GREP1: variants seen among roughly 807,000 people sequenced by gnomAD.
The protein encoded by GREP1 is glycine-rich extracellular protein 1.
At chr16:2,990,188 G>T (rs1195891438) in intron 5 of GREP1, 66 bp downstream of exon 5, 1 of 398,842 alleles carries the variant, frequency 2.5e-6, no homozygotes, top group African/African-American at 2.1e-5. Flanking sequence ...CAGGATTGGA[G>T]AGATTGTTGG....
At chr16:2,988,329 A>G (rs2072381391) in exon 1 of GREP1, 1 of 399,240 alleles carries the variant, frequency 2.5e-6, no homozygotes, top group Non-Finnish European at 4.4e-6. Context: ...CTGACTTCCG[A>G]GAGCCTGCAA....
At chr16:3,001,404 G>C in intron 34 of GREP1, 70 bp downstream of exon 28, 1 of 399,108 alleles carries the variant, frequency 2.5e-6, no homozygotes, top group Non-Finnish European at 4.4e-6. Flanking sequence ...CAGCCATACT[G>C]GGGGACACCC....
chr16:2,997,643 C>T (rs1193628180), intron 22 of GREP1, among the ~76,000 whole-genome samples, 160 bp from the exon 21 acceptor site: 1 of 152,030 alleles, frequency 6.6e-6, no homozygotes. Context: ...GTACCCCAAC[C>T]TCTCCCCATG....
In GREP1 at chr16:2,998,399, G is replaced by T. The variant is rs2072438449; in HGVS notation, c.982+11G>T. The T allele has an allele frequency of 5.0e-6, 2 of 399,156 alleles. No homozygotes were observed. The highest frequency in any genetic ancestry group is 8.8e-6 in the Non-Finnish European group (2 of 226,296). 24.7% of individuals were successfully genotyped at this position (399,156 alleles called of 1,614,324 possible). ...AGCCTCAGAAGTCAGGTGAGTGGGGGACCCCTGGCTCTGCCCCACACCTCC... is the reference window on the plus strand; with the variant it reads ...AGCCTCAGAAGTCAGGTGAGTGGGGTACCCCTGGCTCTGCCCCACACCTCC... On this transcript the variant is annotated intron_variant, in intron 24 of 34. Coordinates refer to ENST00000573315, the Ensembl canonical transcript of GREP1.
Position 2,989,266 on chromosome 16 carries a change from C to A in GREP1, c.101-257C>A, listed in dbSNP as rs1418743216. On this transcript the variant is annotated intron_variant, in intron 2 of 34. Transcript: ENST00000573315. This position sits in a 1 kb window ranked among gnomAD's most constrained non-coding sequence, Gnocchi z 4.2. Reference sequence around the variant, plus strand: ...GCCCTCTAGCCTCCACTGCCCTAGCCCCAGACTGCTCACCTCCTCTGCCCT... The same window carrying A: ...GCCCTCTAGCCTCCACTGCCCTAGCACCAGACTGCTCACCTCCTCTGCCCT... 3 of 386,218 alleles carry A rather than the reference C, an allele frequency of 7.8e-6. No individual in the cohort carries two copies. The highest frequency in any genetic ancestry group is 1.4e-5 in the Non-Finnish European group (3 of 218,718). The allele number at this position is 386,218 out of a possible 1,614,324, so 23.9% of individuals were successfully genotyped here.
At position 2,991,183 on chromosome 16, in the gene GREP1, C is replaced by G. The variant is rs2072397475; in HGVS notation, c.322+82C>G. ...CAGAGCAGAGTCAGGGCACCAGGAG[C>G]TGGGAGAGCTGGGCTCTGGAGGGAG... On this transcript the variant is annotated intron_variant, in intron 8 of 34. Transcript: ENST00000573315. The surrounding 1 kb of genome is among the most constrained non-coding windows in gnomAD (Gnocchi z 4.9). 1 of 398,970 alleles carries G rather than the reference C, an allele frequency of 2.5e-6. No individual in the cohort carries two copies. The allele number at this position is 398,970 out of a possible 1,614,324, so 24.7% of individuals were successfully genotyped here. A position where few individuals can be genotyped will look rare whatever the true frequency, so the allele number is the denominator to read the frequency against.
In GREP1 at chr16:2,989,244, C is replaced by T. The variant is rs1001061607; in HGVS notation, c.101-279C>T. ...ACACCTTCCTCCAGGCCCAGGGGCC[C>T]TCTAGCCTCCACTGCCCTAGCCCCA... On this transcript the variant is annotated intron_variant, in intron 2 of 34. Coordinates refer to ENST00000573315, the Ensembl canonical transcript of GREP1. The surrounding 1 kb of genome is among the most constrained non-coding windows in gnomAD (Gnocchi z 4.2). 1.5e-4 allele frequency: 57 copies of T among 377,400 alleles called. No individual in the cohort carries two copies. The highest frequency in any genetic ancestry group is 4.6e-5 in the Admixed American group (1 of 21,928). The allele number at this position is 377,400 out of a possible 1,614,324, so 23.4% of individuals were successfully genotyped here.
chr16:2,995,152 C>A, intron 13 of GREP1, 132 bp from the exon 15 acceptor site: 1 of 396,086 alleles, frequency 2.5e-6, no homozygotes, highest in Non-Finnish European at 4.4e-6. Flanking sequence ...CCCGACAAGC[C>A]CCCCACCTCA....
chr16:2,990,183 T>C, intron 5 of GREP1, 61 bp downstream of exon 5: 1 of 398,324 alleles, frequency 2.5e-6, no homozygotes, highest in East Asian at 3.6e-5. Context: ...AGAGGCAGGA[T>C]TGGAGAGATT....
At position 2,989,236 on chromosome 16, in the gene GREP1, C is replaced by A. The variant is rs889339738; in HGVS notation, c.101-287C>A. Reference sequence around the variant, plus strand: ...TGGCTCAGACACCTTCCTCCAGGCCCAGGGGCCCTCTAGCCTCCACTGCCC... The same window carrying A: ...TGGCTCAGACACCTTCCTCCAGGCCAAGGGGCCCTCTAGCCTCCACTGCCC... On this transcript the variant is annotated intron_variant, in intron 2 of 34. Coordinates refer to ENST00000573315, the Ensembl canonical transcript of GREP1. The surrounding 1 kb of genome is among the most constrained non-coding windows in gnomAD (Gnocchi z 4.2). The A allele has an allele frequency of 2.7e-6, 1 of 373,326 alleles. No homozygotes were observed. The highest frequency in any genetic ancestry group is 4.7e-6 in the Non-Finnish European group (1 of 210,586). 23.1% of individuals were successfully genotyped at this position (373,326 alleles called of 1,614,324 possible).
rs1174946734 is a variant in GREP1, at chr16:2,989,273, T to C, written c.101-250T>C. ...AGCCTCCACTGCCCTAGCCCCAGAC[T>C]GCTCACCTCCTCTGCCCTCTACCCT... is the stretch of plus-strand genomic sequence containing the variant. On this transcript the variant is annotated intron_variant, in intron 2 of 34. Transcript: ENST00000573315. The surrounding 1 kb of genome is among the most constrained non-coding windows in gnomAD (Gnocchi z 4.2). 1 of 387,842 alleles carries C rather than the reference T, an allele frequency of 2.6e-6. No individual in the cohort carries two copies. Among genetic ancestry groups the C allele is most frequent in the Admixed American group, 4.5e-5 (1 of 22,328 alleles). 24.0% of individuals were successfully genotyped at this position (387,842 alleles called of 1,614,324 possible).
At chr16:2,988,728 A>T (rs2072383832) in intron 2 of GREP1, 106 bp downstream of exon 2, 2 of 398,652 alleles carry the variant, frequency 5.0e-6, no homozygotes, top group Admixed American at 8.8e-5. Context: ...AGGAGAGCTC[A>T]GGGCCCTTGC....
In GREP1 at chr16:2,991,053, GGAAAC is replaced by G; in HGVS notation, c.276_280del (p.Asn93AlafsTer43). On this transcript the variant is annotated frameshift_variant, in exon 8 of 35. Transcript: ENST00000573315. LOFTEE classifies it high-confidence loss of function. This position sits in a 1 kb window ranked among gnomAD's most constrained non-coding sequence, Gnocchi z 4.9. ...CTCTGGCTCTGTCTCCCCAGGATAT[GGAAAC>G]GGGCTGGGAGCAGCGGCCTTCCCAG... 2.5e-6 allele frequency: 1 copy of G among 399,220 alleles called. No homozygotes were observed. The highest frequency in any genetic ancestry group is 4.4e-6 in the Non-Finnish European group (1 of 226,192). 24.7% of individuals were successfully genotyped at this position (399,220 alleles called of 1,614,324 possible).
intron 27 of GREP1, chr16:2,999,383 C>A: frequency 2.5e-6 from 1 of 394,472 alleles, no homozygotes; most frequent in South Asian, 1.3e-4. Flanking sequence ...CACCCCAGAT[C>A]AGGGTCACCC....
rs1179137094 is a variant in GREP1 at position 2,991,819 on chromosome 16, G to A, written c.322+718G>A. On this transcript the variant is annotated intron_variant, in intron 8 of 34. Transcript: ENST00000573315. The surrounding 1 kb of genome is among the most constrained non-coding windows in gnomAD (Gnocchi z 4.9). The stretch of plus-strand genomic sequence containing the variant: ...GCACAGTGGCCCTGGGTGGTGTTTG[G>A]ACCACGGACCCGCACTCCACATGGC... 1.3e-5 allele frequency: 2 copies of A among 152,354 alleles called. No individual in the cohort carries two copies. The highest frequency in any genetic ancestry group is 4.8e-5 in the African/African-American group (2 of 41,418). 9.4% of individuals were successfully genotyped at this position (152,354 alleles called of 1,614,324 possible). A position where few individuals can be genotyped will look rare whatever the true frequency, so the allele number is the denominator to read the frequency against.
chr16:2,990,683 T>C (rs2072394148), intron 7 of GREP1, 96 bp downstream of exon 6: 1 of 397,982 alleles, frequency 2.5e-6, no homozygotes, highest in Non-Finnish European at 4.4e-6. Flanking sequence ...CAGATCGGTG[T>C]TTCCAGGGTC....
chr16:2,997,410 A>G, exon 22 of GREP1: 1 of 398,890 alleles, frequency 2.5e-6, no homozygotes, highest in Non-Finnish European at 4.4e-6. Context: ...CAGAATGGCT[A>G]CAGAGCAGGT....
chr16:2,998,315 TG>T, intron 23 of GREP1, 40 bp from the exon 22 acceptor site: 1 of 398,888 alleles, frequency 2.5e-6, no homozygotes, highest in Non-Finnish European at 4.4e-6. Context: ...ACTCCTCGGG[TG>T]GGCTGATGTC....
At chr16:2,996,212 C>T (rs1485664146) in intron 18 of GREP1, among the ~76,000 whole-genome samples, 2 of 151,990 alleles carry the variant, frequency 1.3e-5, no homozygotes, top group Non-Finnish European at 2.9e-5. Flanking sequence ...GGATGACAGG[C>T]GTGAGCCACC....
Sources: allele counts gnomAD v4.1 joint callset (sites outside exome capture counted in the v4.1 genomes callset), GRCh38; gene constraint gnomAD v4.1.1; non-coding constraint Gnocchi (gnomAD v3.1); transcripts MANE v1.5; gene names NCBI Gene and HGNC (gene_info 2026-07-23, HGNC 2026-07-21).